Variants in CDH12 observed in about 807,000 individuals in gnomAD.
CDH12 encodes the protein cadherin-12.
Under a neutral mutation model 74.1 loss-of-function variants are expected in CDH12, and 41 were observed. The ratio of observed to expected loss-of-function variants is 0.55; its 90% CI spans 0.43 to 0.72. The LOEUF (loss-of-function observed/expected upper bound fraction) is 0.72, where lower values mean the gene tolerates loss of function less well. Ranked by LOEUF, CDH12 falls within the 30% of genes least tolerant of loss-of-function variation. The pLI, the probability that CDH12 is intolerant of heterozygous loss-of-function variation, is 0.00. For missense variants in CDH12, 945 were observed against 977.2 expected (o/e 0.97, Z 0.44); for synonymous variants, 399 against 355.0 (o/e 1.12, Z -1.39).
At chr5:22,825,324 T>A (rs1422816161) in intron 1 of CDH12, among the ~76,000 whole-genome samples, 1 of 152,128 alleles carries the variant, frequency 6.6e-6, no homozygotes, top group South Asian at 2.1e-4. Context: ...CATTAAATAA[T>A]GTCTGGGAAA....
At chr5:22,093,829 A>G (rs1743579119) in intron 4 of CDH12, among the ~76,000 whole-genome samples, 1 of 152,204 alleles carries the variant, frequency 6.6e-6, no homozygotes, top group Non-Finnish European at 1.5e-5. Flanking sequence ...CTTCAGACTC[A>G]AGATTTTGGG....
At chr5:22,457,821 T>C (rs1346114634) in intron 2 of CDH12, among the ~76,000 whole-genome samples, 2 of 152,160 alleles carry the variant, frequency 1.3e-5, no homozygotes, top group Non-Finnish European at 2.9e-5. Flanking sequence ...CTCAGCTCAC[T>C]GCAACCTCCG....
intron 1 of CDH12, among the ~76,000 whole-genome samples, chr5:22,837,525 T>C (rs967982895): frequency 6.6e-6 from 1 of 152,214 alleles, no homozygotes; most frequent in African/African-American, 2.4e-5. Context: ...AAACAATTTG[T>C]ATTACACAGA....
intron 3 of CDH12, among the ~76,000 whole-genome samples, chr5:22,236,302 C>G (rs1269218172): frequency 6.6e-6 from 1 of 152,142 alleles, no homozygotes; most frequent in Non-Finnish European, 1.5e-5. Context: ...AACTGTTTGA[C>G]TCTTTTGCAA....
chr5:22,838,651 C>CTGTGTG (rs369033220), intron 1 of CDH12, among the ~76,000 whole-genome samples: 4,607 of 143,906 alleles, frequency 0.032, 83 homozygotes, highest in Admixed American at 0.042. Context: ...GTGAGAGTGT[C>CTGTGTG]TGTGTGTGTG....
intron 1 of CDH12, among the ~76,000 whole-genome samples, chr5:22,672,517 C>T (rs1740958258): frequency 6.6e-6 from 1 of 152,026 alleles, no homozygotes. Flanking sequence ...ACTTGATGTT[C>T]TCTTTTTGTC....
At chr5:22,357,045 A>G (rs1049462876) in intron 3 of CDH12, among the ~76,000 whole-genome samples, 10 of 152,248 alleles carry the variant, frequency 6.6e-5, no homozygotes, top group Middle Eastern at 3.4e-3. Context: ...GTAGCAATTT[A>G]TCTATCTATC....
chr5:22,648,606 A>C (rs1361923600), intron 1 of CDH12, among the ~76,000 whole-genome samples: 1 of 151,880 alleles, frequency 6.6e-6, no homozygotes, highest in Admixed American at 6.6e-5. Flanking sequence ...AGGTTTAAAT[A>C]AAACTTAAAA....
At chr5:22,743,436 T>A (rs1490799828) in intron 1 of CDH12, among the ~76,000 whole-genome samples, 1 of 151,792 alleles carries the variant, frequency 6.6e-6, no homozygotes, top group Non-Finnish European at 1.5e-5. Flanking sequence ...CACTATAAAT[T>A]GGAAGAAAAA....
chr5:21,979,270 G>A (rs1580059689), intron 5 of CDH12, among the ~76,000 whole-genome samples: 1 of 152,100 alleles, frequency 6.6e-6, no homozygotes, highest in Non-Finnish European at 1.5e-5. Context: ...TCATCTTTTA[G>A]TATTGACACT....
intron 5 of CDH12, among the ~76,000 whole-genome samples, chr5:21,979,367 A>C (rs995244591): frequency 1.3e-5 from 2 of 152,118 alleles, no homozygotes; most frequent in African/African-American, 4.8e-5. Flanking sequence ...TTGTGGAAGT[A>C]GTGTTGTTAT....
chr5:22,607,652 C>G (rs1388847058), intron 1 of CDH12, among the ~76,000 whole-genome samples: 3 of 152,206 alleles, frequency 2.0e-5, no homozygotes, highest in Admixed American at 2.0e-4. Flanking sequence ...GGTGGGGACA[C>G]AGCTAACCAT....
chr5:22,659,525 A>G (rs1740235611), intron 1 of CDH12, among the ~76,000 whole-genome samples: 1 of 152,128 alleles, frequency 6.6e-6, no homozygotes, highest in Admixed American at 6.5e-5. Flanking sequence ...ATACCTATGT[A>G]CTGTGCACAT....
At chr5:21,931,068 T>C (rs1174010544) in intron 6 of CDH12, among the ~76,000 whole-genome samples, 1 of 152,200 alleles carries the variant, frequency 6.6e-6, no homozygotes, top group African/African-American at 2.4e-5. Context: ...CATAGGCAGA[T>C]TGTTTTATGA....
chr5:22,502,661 G>GAC (rs3039484), intron 2 of CDH12, among the ~76,000 whole-genome samples: 19,052 of 119,260 alleles, frequency 0.16, 1,204 homozygotes, highest in South Asian at 0.2. Flanking sequence ...CGCACACACA[G>GAC]ACACACACAC....
intron 5 of CDH12, among the ~76,000 whole-genome samples, chr5:22,002,744 A>AT (rs1736676927): frequency 6.6e-6 from 1 of 152,090 alleles, no homozygotes; most frequent in Admixed American, 6.6e-5. Context: ...GAGACACATC[A>AT]TGAAATAAAG....
intron 3 of CDH12, among the ~76,000 whole-genome samples, chr5:22,267,469 C>A (rs533880192): frequency 6.6e-6 from 1 of 152,208 alleles, no homozygotes; most frequent in Admixed American, 6.5e-5. Flanking sequence ...TATTTCATGT[C>A]CCTGAATAGG....
rs1016223136 is a variant in CDH12, at chr5:22,218,416, A to C, written c.-332-5773T>G. ...TCTTGGTAATTAAAAGTAGGCAACT[A>C]CTAGTACACTTAACAACTGGACCAC... On this transcript the variant is annotated intron_variant, in intron 3 of 14. Coordinates refer to ENST00000382254, the MANE Select transcript of CDH12 (RefSeq NM_004061.5). Among the ~76,000 whole-genome samples the C allele has an allele frequency of 7.9e-5, 12 of 151,844 alleles. No individual in the cohort carries two copies. In the Admixed American group the frequency reaches 7.9e-4, roughly 10 times the overall value.
At chr5:22,427,047 T>A (rs777708613) in intron 2 of CDH12, among the ~76,000 whole-genome samples, 14 of 152,126 alleles carry the variant, frequency 9.2e-5, no homozygotes, top group Non-Finnish European at 1.8e-4. Flanking sequence ...CACTTTTCTC[T>A]CCCCTGTGAT....
Sources: allele counts gnomAD v4.1 joint callset (sites outside exome capture counted in the v4.1 genomes callset), GRCh38; gene constraint gnomAD v4.1.1; transcripts MANE v1.5; gene names NCBI Gene and HGNC (gene_info 2026-07-23, HGNC 2026-07-21).